KLHL2: variants seen among roughly 807,000 people sequenced by gnomAD.
The protein encoded by KLHL2 is kelch like family member 2.
KLHL2 carries 15 observed loss-of-function variants against 75.8 expected under a neutral mutation model. The observed-to-expected ratio is 0.20, with a 90% CI of 0.13 to 0.30. The LOEUF is 0.30. Among genes scored for constraint, KLHL2 ranks in the 10% least tolerant of loss-of-function variants. The pLI, the probability that KLHL2 is intolerant of heterozygous loss-of-function variation, is 1.00. For missense variants in KLHL2, 381 were observed against 741.0 expected, an observed-to-expected ratio of 0.51 and a Z score of 5.64; for synonymous variants, 214 against 251.9, an observed-to-expected ratio of 0.85 and a Z score of 1.42.
At chr4:165,267,281 T>C (rs1742314985) in intron 5 of KLHL2, among the ~76,000 whole-genome samples, 1 of 152,216 alleles carries the variant, frequency 6.6e-6, no homozygotes. Context: ...ACTTCCTCTC[T>C]TCCTAACTGA....
At position 165,263,303 on chromosome 4, in the gene KLHL2, C is replaced by T; in HGVS notation, c.488C>T (p.Ala163Val). 2.5e-6 allele frequency: 4 copies of T among 1,614,072 alleles called. No homozygotes were observed. Among genetic ancestry groups the T allele is most frequent in the Non-Finnish European group, 3.4e-6 (4 of 1,179,972 alleles). Residue 163 changes from alanine to valine, a missense_variant, in exon 5 of 15, where the codon GCT (alanine) becomes GTT (valine). Coordinates refer to ENST00000226725, the MANE Select transcript of KLHL2 (RefSeq NM_007246.4). ...CCTGTCAACTGCTTAGGAATCCGGG[C>T]TTTTGCTGATATGCATGCATGTACC... ...LHPVNCLGIR[A>V]FADMHACTDL...
intron 1 of KLHL2, among the ~76,000 whole-genome samples, chr4:165,217,956 T>C (rs1402026125): frequency 6.6e-6 from 1 of 152,166 alleles, no homozygotes; most frequent in Non-Finnish European, 1.5e-5. Flanking sequence ...CAGTCCTTTC[T>C]CTTGTTCAGG....
intron 5 of KLHL2, chr4:165,278,784 T>G (rs756849387): frequency 1.3e-6 from 2 of 1,550,192 alleles, no homozygotes; most frequent in Non-Finnish European, 1.8e-6. Context: ...TGGCCTGTAT[T>G]ACATAGTAAG....
intron 14 of KLHL2, 65 bp downstream of exon 14, chr4:165,318,034 A>G: frequency 3.4e-6 from 5 of 1,464,676 alleles, no homozygotes; most frequent in Non-Finnish European, 1.9e-6. Flanking sequence ...TGTTATATTA[A>G]CGAAGTTTTT....
In KLHL2 at chr4:165,300,496, A is replaced by T. The variant is rs189754382; in HGVS notation, c.921+840A>T. 3.3e-5 allele frequency among the ~76,000 whole-genome samples: 5 copies of T among 151,924 alleles called. No individual in the cohort carries two copies. In the East Asian group the frequency reaches 9.7e-4, roughly 29 times the overall value. On this transcript the variant is annotated intron_variant, in intron 8 of 14. Transcript: ENST00000226725. The stretch of plus-strand genomic sequence containing the variant: ...TGTAGCCATTTCAGCATACATTCCC[A>T]TGTCTTCCCGTGTGTCTCGTGTTCA...
intron 2 of KLHL2, among the ~76,000 whole-genome samples, chr4:165,224,954 C>T (rs555658049): frequency 2.6e-4 from 40 of 152,212 alleles, no homozygotes; most frequent in African/African-American, 7.5e-4. Flanking sequence ...AGATAGACAC[C>T]GTGCATTTTA....
Position 165,218,928 on chromosome 4 carries a change from T to C in KLHL2, c.27-1006T>C, listed in dbSNP as rs1388477799. 8.5e-5 allele frequency among the ~76,000 whole-genome samples: 13 copies of C among 152,346 alleles called. No individual in the cohort carries two copies. In the East Asian group the frequency reaches 2.5e-3, roughly 29 times the overall value. The stretch of plus-strand genomic sequence containing the variant: ...CCTGATTTTTTATGTAATAGCTTTA[T>C]TGAGGTATAATTTACATACCATAAA... On this transcript the variant is annotated intron_variant, in intron 1 of 14. Transcript: ENST00000226725.
chr4:165,297,236 T>C (rs1291006547), intron 6 of KLHL2, among the ~76,000 whole-genome samples: 1 of 152,198 alleles, frequency 6.6e-6, no homozygotes, highest in East Asian at 1.9e-4. Context: ...TACTACATTT[T>C]AATATATTCT....
intron 8 of KLHL2, 121 bp downstream of exon 8, chr4:165,299,777 T>A: frequency 1.1e-6 from 1 of 889,232 alleles, no homozygotes; most frequent in African/African-American, 1.7e-5. Context: ...CAAGAGAAAA[T>A]GTGCCTAAGA....
At chr4:165,251,819 C>A (rs1288949580) in intron 4 of KLHL2, among the ~76,000 whole-genome samples, 1 of 151,780 alleles carries the variant, frequency 6.6e-6, no homozygotes, top group Non-Finnish European at 1.5e-5. Context: ...CCGTTTTAGC[C>A]GGGATGGTCT....
chr4:165,291,430 C>T (rs1385814704), intron 5 of KLHL2, among the ~76,000 whole-genome samples: 2 of 148,822 alleles, frequency 1.3e-5, no homozygotes, highest in African/African-American at 4.9e-5. Flanking sequence ...TAAATTTTCT[C>T]CTATGTTATC....
chr4:165,223,913 GT>G (rs1479488916), intron 2 of KLHL2: 1 of 449,140 alleles, frequency 2.2e-6, no homozygotes, highest in African/African-American at 2.0e-5. Flanking sequence ...CCCCAGGTAA[GT>G]TTTTTCTTTT....
At chr4:165,269,451 G>A (rs1035718649) in intron 5 of KLHL2, among the ~76,000 whole-genome samples, 6 of 152,082 alleles carry the variant, frequency 3.9e-5, no homozygotes, top group Non-Finnish European at 8.8e-5. Flanking sequence ...GGCTGGTACC[G>A]GTTATTCCTT....
At chr4:165,318,151 T>C (rs1746717170) in intron 14 of KLHL2, among the ~76,000 whole-genome samples, 182 bp downstream of exon 14, 1 of 152,260 alleles carries the variant, frequency 6.6e-6, no homozygotes, top group African/African-American at 2.4e-5. Context: ...TATACTTTTG[T>C]CATTCTACAG....
At chr4:165,223,615 T>C (rs1578984313) in intron 2 of KLHL2, among the ~76,000 whole-genome samples, 2 of 152,204 alleles carry the variant, frequency 1.3e-5, no homozygotes, top group Non-Finnish European at 2.9e-5. Context: ...AATAGTATGA[T>C]GAATTCGGAC....
intron 5 of KLHL2, among the ~76,000 whole-genome samples, chr4:165,292,291 A>G (rs1744575354): frequency 6.6e-6 from 1 of 152,100 alleles, no homozygotes; most frequent in Non-Finnish European, 1.5e-5. Context: ...AAATACAAAC[A>G]TTTTAGAGCT....
intron 11 of KLHL2, among the ~76,000 whole-genome samples, chr4:165,311,982 G>A (rs960700754): frequency 6.6e-6 from 1 of 152,098 alleles, no homozygotes; most frequent in Non-Finnish European, 1.5e-5. Context: ...GGGTGGGTTG[G>A]GGGGATGGTT....
At chr4:165,229,999 G>T (rs778895467) in intron 3 of KLHL2, among the ~76,000 whole-genome samples, 23 of 152,270 alleles carry the variant, frequency 1.5e-4, no homozygotes, top group South Asian at 8.3e-4. Context: ...AATGAAGAAG[G>T]ATAGCAGGTG....
At chr4:165,258,318 A>T (rs1741352443) in intron 4 of KLHL2, among the ~76,000 whole-genome samples, 1 of 148,610 alleles carries the variant, frequency 6.7e-6, no homozygotes, top group Non-Finnish European at 1.5e-5. Flanking sequence ...TTAGGGCAGA[A>T]TTTTTTTTTT....
Sources: gnomAD v4.1 joint callset for allele counts (sites outside exome capture counted in the v4.1 genomes callset) on GRCh38, gnomAD v4.1.1 for gene constraint, MANE v1.5 for transcripts, NCBI Gene and HGNC (gene_info 2026-07-23, HGNC 2026-07-21) for gene names.